The following PGR variants were observed in gnomAD, a reference collection of about 807,000 sequenced individuals.
PGR encodes nuclear receptor subfamily 3 group C member 3.
PGR carries 25 observed loss-of-function variants against 76.1 expected under a neutral mutation model. The observed-to-expected ratio is 0.33, with a 90% confidence interval of 0.24 to 0.46. The LOEUF (loss-of-function observed/expected upper bound fraction) is 0.46, where lower values mean the gene tolerates loss of function less well. PGR is among the 20% of genes least tolerant of loss of function. The probability of loss-of-function intolerance (pLI) is 1.00; values close to 1 mark genes in which losing one functional copy is unlikely to be tolerated. For missense variants in PGR, 1,172 were observed against 1,225.3 expected (o/e 0.96, Z 0.65); for synonymous variants, 579 against 535.0 (o/e 1.08, Z -1.14).
At chr11:101,119,688 C>A (rs755778279) in intron 2 of PGR, among the ~76,000 whole-genome samples, 10 of 152,012 alleles carry the variant, frequency 6.6e-5, no homozygotes, top group Non-Finnish European at 1.0e-4. Flanking sequence ...AAATATAAAC[C>A]AAATAAAGAA....
At chr11:101,093,279 G>C (rs1861730092) in intron 2 of PGR, among the ~76,000 whole-genome samples, 1 of 151,834 alleles carries the variant, frequency 6.6e-6, no homozygotes, top group Non-Finnish European at 1.5e-5. Flanking sequence ...GGTTAGCAGA[G>C]TGTACTGCAT....
chr11:101,117,125 T>C (rs1862536207), intron 2 of PGR, among the ~76,000 whole-genome samples: 2 of 152,170 alleles, frequency 1.3e-5, no homozygotes, highest in African/African-American at 4.8e-5. Context: ...AGTAGAATTG[T>C]TGGGCCAAAG....
At position 101,084,026 on chromosome 11, in the gene PGR, A is replaced by G. The variant is rs1044721921; in HGVS notation, c.1906+7734T>C. Among the ~76,000 whole-genome samples, 3 of 152,112 alleles carry G rather than the reference A, an allele frequency of 2.0e-5. No individual in the cohort carries two copies. The East Asian group carries it at 5.8e-4, about 29-fold the overall frequency. ...ATCTCACGTTGAATTGTAATTCCCA[A>G]TGTTGAGGGAGGAACCTGGTAGGAG... On this transcript the variant is annotated intron_variant, in intron 3 of 7. Coordinates refer to ENST00000325455, the MANE Select transcript of PGR (RefSeq NM_000926.4).
chr11:101,047,489 G>A (rs1859930785), intron 6 of PGR, among the ~76,000 whole-genome samples: 1 of 152,096 alleles, frequency 6.6e-6, no homozygotes, highest in Non-Finnish European at 1.5e-5. Context: ...TGTCCAAATA[G>A]GGTTCCCAAG....
At chr11:101,119,293 T>C (rs1443332689) in intron 2 of PGR, among the ~76,000 whole-genome samples, 1 of 152,114 alleles carries the variant, frequency 6.6e-6, no homozygotes, top group Admixed American at 6.5e-5. Flanking sequence ...GTGTAAATGA[T>C]TAGTGTGCCT....
rs1462647803 is a variant in PGR, at chr11:101,127,582, A to C, written c.1489T>G (p.Ser497Ala). ...GCGGCGGCGGCAGAGGCGGAGGTGG[A>C]GGGCAGGCCGTCCCGCGGGAGCAGG... ...GCLLPRDGLP[S>A]TSASAAAAGA... The change falls in exon 1 of 8, where the codon TCC (serine) becomes GCC (alanine). Residue 497 changes from serine to alanine, a missense_variant. Ser to Ala is a moderately conservative substitution (Grantham distance 99). Coordinates refer to ENST00000325455, the MANE Select transcript of PGR (RefSeq NM_000926.4). 2.3e-6 allele frequency: 3 copies of C among 1,309,216 alleles called. No individual in the cohort carries two copies. The highest frequency in any genetic ancestry group is 1.9e-6 in the Non-Finnish European group (2 of 1,036,342). 81.1% of individuals were successfully genotyped at this position (1,309,216 alleles called of 1,614,324 possible). A position where few individuals can be genotyped will look rare whatever the true frequency, so the allele number is the denominator to read the frequency against.
intron 3 of PGR, among the ~76,000 whole-genome samples, chr11:101,065,334 A>C (rs1860675763): frequency 6.6e-6 from 1 of 152,194 alleles, no homozygotes; most frequent in Non-Finnish European, 1.5e-5. Context: ...CTAAAAAGGG[A>C]ATGTGAACAG....
intron 2 of PGR, among the ~76,000 whole-genome samples, chr11:101,109,861 G>T (rs761117536): frequency 5.3e-5 from 8 of 152,178 alleles, no homozygotes; most frequent in Non-Finnish European, 1.2e-4. Flanking sequence ...TCAAAGGAAA[G>T]GCTGACTCTC....
intron 3 of PGR, among the ~76,000 whole-genome samples, chr11:101,076,350 A>G (rs1861128582): frequency 6.6e-6 from 1 of 152,182 alleles, no homozygotes; most frequent in African/African-American, 2.4e-5. Context: ...TAACATTAGA[A>G]GAAATACCTA....
intron 2 of PGR, among the ~76,000 whole-genome samples, chr11:101,117,452 T>C (rs1479703203): frequency 6.6e-6 from 1 of 152,164 alleles, no homozygotes; most frequent in Non-Finnish European, 1.5e-5. Context: ...TTTGACTTTA[T>C]GAATTTTTTG....
At chr11:101,070,872 G>A (rs946433789) in intron 3 of PGR, among the ~76,000 whole-genome samples, 1 of 152,310 alleles carries the variant, frequency 6.6e-6, no homozygotes, top group Non-Finnish European at 1.5e-5. Context: ...AGAACCTGGG[G>A]GAAGGGGTGG....
chr11:101,083,723 C>T (rs902578150), intron 3 of PGR, among the ~76,000 whole-genome samples: 5 of 152,194 alleles, frequency 3.3e-5, no homozygotes, highest in African/African-American at 1.2e-4. Context: ...TGGCCAGTTA[C>T]TCCCATTTAA....
At chr11:101,120,319 C>A (rs1372560947) in intron 2 of PGR, among the ~76,000 whole-genome samples, 2 of 152,168 alleles carry the variant, frequency 1.3e-5, no homozygotes, top group Non-Finnish European at 2.9e-5. Flanking sequence ...ATACATGTAT[C>A]TGAAGTGAAT....
At chr11:101,110,368 G>A (rs1862307727) in intron 2 of PGR, among the ~76,000 whole-genome samples, 1 of 152,204 alleles carries the variant, frequency 6.6e-6, no homozygotes, top group African/African-American at 2.4e-5. Context: ...ATTAACAGCA[G>A]TTTGGAAGAA....
chr11:101,056,642 G>GA (rs200810746), intron 4 of PGR, among the ~76,000 whole-genome samples: 60,144 of 120,910 alleles, frequency 0.5, 15,060 homozygotes, highest in Non-Finnish European at 0.58. Flanking sequence ...CCTATCTCAA[G>GA]AAAAAAAAAA....
Position 101,033,291 on chromosome 11 carries a change from G to A in PGR, c.*5825C>T. 1 of 205,138 alleles carries A rather than the reference G, an allele frequency of 4.9e-6. No individual in the cohort carries two copies. The highest frequency in any genetic ancestry group is 1.0e-5 in the Non-Finnish European group (1 of 100,250). The allele number at this position is 205,138 out of a possible 1,614,324, so 12.7% of individuals were successfully genotyped here. The stretch of plus-strand genomic sequence containing the variant: ...AGTATTTCTACCTTATGGAGAACAA[G>A]CAGAGCCACATCTCTGTTTCAACAA... On this transcript the variant is annotated 3_prime_UTR_variant, in exon 8 of 8. Coordinates refer to ENST00000325455, the MANE Select transcript of PGR (RefSeq NM_000926.4).
At chr11:101,096,785 G>A (rs574492393) in intron 2 of PGR, among the ~76,000 whole-genome samples, 2 of 152,306 alleles carry the variant, frequency 1.3e-5, no homozygotes, top group African/African-American at 4.8e-5. Context: ...TAAACCGTAG[G>A]TTGATGGCTC....
rs369578132 is a variant in PGR, at chr11:101,127,875, C to A, written c.1196G>T (p.Arg399Leu). ...EEEEGAEASA[R>L]SPRSYLVAGA... ...GGCCACAAGGTAGGAACGCGGGGAG[C>A]GCGCGGAGGCCTCCGCGCCTTCCTC... The change falls in exon 1 of 8, where the codon CGC becomes CTC. Residue 399 changes from arginine to leucine, a missense_variant. Physicochemically the swap from Arg to Leu is moderately radical, Grantham distance 102. Coordinates refer to ENST00000325455, the MANE Select transcript of PGR (RefSeq NM_000926.4). The A allele has an allele frequency of 6.9e-6, 11 of 1,602,028 alleles. No individual in the cohort carries two copies. The highest frequency in any genetic ancestry group is 9.3e-6 in the Non-Finnish European group (11 of 1,177,778).
rs546375795 is a variant in PGR, at chr11:101,102,957, G to C, written c.1790-11081C>G. Reference sequence around the variant, plus strand: ...AGATTCTCATAAGGAGCACAACCTAGATCCCTGGCACGCGCAGTTTGCAAT... The same window carrying C: ...AGATTCTCATAAGGAGCACAACCTACATCCCTGGCACGCGCAGTTTGCAAT... On this transcript the variant is annotated intron_variant, in intron 2 of 7. Coordinates refer to ENST00000325455, the MANE Select transcript of PGR (RefSeq NM_000926.4). Among the ~76,000 whole-genome samples the C allele has an allele frequency of 7.2e-5, 11 of 152,014 alleles. No homozygotes were observed. The South Asian group carries it at 2.3e-3, about 32-fold the overall frequency.
Sources: gnomAD v4.1 joint callset for allele counts (sites outside exome capture counted in the v4.1 genomes callset) on GRCh38, gnomAD v4.1.1 for gene constraint, MANE v1.5 for transcripts, NCBI Gene and HGNC (gene_info 2026-07-23, HGNC 2026-07-21) for gene names.